Variants in ACTN1 observed in about 807,000 individuals in gnomAD.
The protein encoded by ACTN1 is alpha-actinin-1.
A neutral mutation model predicts 119.6 loss-of-function variants in ACTN1; 30 were observed. The observed-to-expected ratio is 0.25, with a 90% CI of 0.19 to 0.34. The LOEUF (loss-of-function observed/expected upper bound fraction) is 0.34. Among genes scored for constraint, ACTN1 ranks in the 10% least tolerant of loss-of-function variants. The pLI is 1.00. For synonymous variants in ACTN1, 429 were observed against 472.6 expected (o/e 0.91, Z 1.20); for missense variants, 764 against 1,223.4 (o/e 0.62, Z 5.60).
At chr14:68,958,411 C>T (rs1236631816) in intron 1 of ACTN1, among the ~76,000 whole-genome samples, 1 of 152,148 alleles carries the variant, frequency 6.6e-6, no homozygotes. Context: ...CCAGGCCACA[C>T]ACCTCTGTGC....
chr14:68,881,936 CTTTTTTTT>C (rs781067137), intron 16 of ACTN1, among the ~76,000 whole-genome samples: 2 of 58,394 alleles, frequency 3.4e-5, no homozygotes, highest in African/African-American at 1.1e-4. Flanking sequence ...TAGGCAGCTT[CTTTTTTTT>C]TTTTTTTTTT....
chr14:68,917,387 C>T (rs773624711), intron 3 of ACTN1, among the ~76,000 whole-genome samples: 8 of 152,232 alleles, frequency 5.3e-5, no homozygotes, highest in Middle Eastern at 6.8e-3. Context: ...AGGTCTTAGT[C>T]CTTGCACTGC....
chr14:68,973,325 C>T (rs1264978869), intron 1 of ACTN1, among the ~76,000 whole-genome samples: 5 of 152,134 alleles, frequency 3.3e-5, no homozygotes, highest in African/African-American at 9.7e-5. Context: ...GGGAGGGACC[C>T]GGTGGGAGGT....
Position 68,902,504 on chromosome 14 carries a change from G to A in ACTN1, c.735C>T (p.Phe245=). The change falls in exon 8 of 22, where the codon TTC becomes TTT. Residue 245 remains phenylalanine, a synonymous_variant. Transcript: ENST00000394419. ...TCTGGGCTCCAGAGAAGGCGTGGTA[G>A]AAGCTAGACACGTAAGTCATGATGG... ...EKAIMTYVSS[F]YHAFSGAQKA... The A allele has an allele frequency of 6.2e-7, 1 of 1,614,018 alleles. No individual in the cohort carries two copies.
chr14:68,925,498 G>T lies in ACTN1; in HGVS notation c.220+60C>A. 7.1e-7 allele frequency: 1 copy of T among 1,414,242 alleles called. No homozygotes were observed. The highest frequency in any genetic ancestry group is 9.8e-7 in the Non-Finnish European group (1 of 1,022,266). 87.6% of individuals were successfully genotyped at this position (1,414,242 alleles called of 1,614,324 possible). ...AGCTGCGCTCATAGGCAGAGCAGATGCCAAGGTGTCAGGCAGCACCAATAG... is the reference window on the plus strand; with the variant it reads ...AGCTGCGCTCATAGGCAGAGCAGATTCCAAGGTGTCAGGCAGCACCAATAG... On this transcript the variant is annotated intron_variant, in intron 2 of 21. Transcript: ENST00000394419. The surrounding 1 kb of genome is among the most constrained non-coding windows in gnomAD (Gnocchi z 4.3).
chr14:68,889,118 C>T (rs1347589082), intron 11 of ACTN1, among the ~76,000 whole-genome samples: 2 of 152,220 alleles, frequency 1.3e-5, no homozygotes, highest in East Asian at 3.9e-4. Context: ...AGATAGGCAG[C>T]CTGTTCCCCA....
At chr14:68,938,955 C>A (rs2035661507) in intron 1 of ACTN1, among the ~76,000 whole-genome samples, 1 of 152,180 alleles carries the variant, frequency 6.6e-6, no homozygotes, top group Non-Finnish European at 1.5e-5. Flanking sequence ...CCATCTACAG[C>A]CCATTTCAAA....
At chr14:68,902,867 G>T (rs1187925452) in intron 7 of ACTN1, among the ~76,000 whole-genome samples, 1 of 152,206 alleles carries the variant, frequency 6.6e-6, no homozygotes, top group African/African-American at 2.4e-5. Context: ...AAGTACTAGA[G>T]ATGGGAAAAG....
At chr14:68,916,915 G>A (rs1302720014) in intron 3 of ACTN1, among the ~76,000 whole-genome samples, 1 of 152,074 alleles carries the variant, frequency 6.6e-6, no homozygotes, top group Non-Finnish European at 1.5e-5. Context: ...GAAATTCCAT[G>A]TGACAGAAAC....
chr14:68,879,928 G>C lies in ACTN1; in HGVS notation c.2280+34C>G. 1.2e-6 allele frequency: 2 copies of C among 1,609,300 alleles called. No homozygotes were observed. The highest frequency in any genetic ancestry group is 1.7e-6 in the Non-Finnish European group (2 of 1,176,352). Reference sequence around the variant, plus strand: ...CAGGGCCCTGGGGCAGGGGTTGGGGGCTGCACTAAGAAAGCACAGGATGGG... The same window carrying C: ...CAGGGCCCTGGGGCAGGGGTTGGGGCCTGCACTAAGAAAGCACAGGATGGG... On this transcript the variant is annotated intron_variant, in intron 18 of 21. Coordinates refer to ENST00000394419, the MANE Select transcript of ACTN1 (RefSeq NM_001130004.2). The surrounding 1 kb of genome is among the most constrained non-coding windows in gnomAD (Gnocchi z 4.9).
At chr14:68,977,159 G>C (rs2037088452) in intron 1 of ACTN1, among the ~76,000 whole-genome samples, 1 of 152,086 alleles carries the variant, frequency 6.6e-6, no homozygotes, top group African/African-American at 2.4e-5. Flanking sequence ...CTAACCCCCA[G>C]GGAAGACCCC....
In ACTN1 at chr14:68,911,705, G is replaced by A. The variant is rs992094966; in HGVS notation, c.427+451C>T. 4.1e-4 allele frequency among the ~76,000 whole-genome samples: 63 copies of A among 152,176 alleles called. 1 individual carries two copies. The highest frequency in any genetic ancestry group is 1.3e-4 in the Non-Finnish European group (9 of 68,030). On this transcript the variant is annotated intron_variant, in intron 4 of 21. Coordinates refer to ENST00000394419, the MANE Select transcript of ACTN1 (RefSeq NM_001130004.2). ...CAGACATAAAGCTCAAAAACTGCCC[G>A]AGTGTGGAATCAAGCGTAGAGATCA...
intron 1 of ACTN1, among the ~76,000 whole-genome samples, chr14:68,953,518 A>C (rs1426812349): frequency 1.3e-5 from 2 of 152,192 alleles, no homozygotes; most frequent in African/African-American, 4.8e-5. Flanking sequence ...CTGGCAGTGC[A>C]CAACACACAC....
intron 1 of ACTN1, among the ~76,000 whole-genome samples, chr14:68,962,806 G>A (rs1372703538): frequency 1.3e-5 from 2 of 152,146 alleles, no homozygotes; most frequent in Admixed American, 6.5e-5. Flanking sequence ...CTGCCCTTCC[G>A]CACCCGCTGT....
At chr14:68,910,084 C>G in intron 4 of ACTN1, 42 bp from the exon 5 acceptor site, 1 of 1,554,488 alleles carries the variant, frequency 6.4e-7, no homozygotes, top group South Asian at 1.1e-5. Flanking sequence ...AGGGCTGACT[C>G]GGTGGAGGGA....
rs1209155315 is a variant in ACTN1 at position 68,876,977 on chromosome 14, A to G, written c.2586+105T>C. ...ACAAGGAGAGGCCAAAGGACCCTGG[A>G]AGAAGGGGCGGTTGAGGAGTTCATG... On this transcript the variant is annotated intron_variant, in intron 21 of 21. Coordinates refer to ENST00000394419, the MANE Select transcript of ACTN1 (RefSeq NM_001130004.2). The G allele has an allele frequency of 3.6e-6, 5 of 1,391,650 alleles. No individual in the cohort carries two copies. In the Admixed American group the frequency reaches 1.1e-4, roughly 32 times the overall value. The allele number at this position is 1,391,650 out of a possible 1,614,324, so 86.2% of individuals were successfully genotyped here. A position where few individuals can be genotyped will look rare whatever the true frequency, so the allele number is the denominator to read the frequency against.
At chr14:68,939,071 G>A (rs1476283646) in intron 1 of ACTN1, among the ~76,000 whole-genome samples, 3 of 152,208 alleles carry the variant, frequency 2.0e-5, no homozygotes, top group Non-Finnish European at 2.9e-5. Context: ...AGGGCTCCTG[G>A]GCCACCATGA....
intron 1 of ACTN1, among the ~76,000 whole-genome samples, chr14:68,962,427 G>T (rs1356638802): frequency 2.0e-5 from 3 of 152,106 alleles, no homozygotes; most frequent in African/African-American, 7.2e-5. Context: ...GCCTTCCCAG[G>T]AGCACCATTT....
chr14:68,959,086 T>G (rs1449251920), intron 1 of ACTN1, among the ~76,000 whole-genome samples: 1 of 152,240 alleles, frequency 6.6e-6, no homozygotes, highest in East Asian at 1.9e-4. Flanking sequence ...CTCTCTTTTC[T>G]GTGAAGACCT....
Sources: allele counts gnomAD v4.1 joint callset (sites outside exome capture counted in the v4.1 genomes callset), GRCh38; gene constraint gnomAD v4.1.1; non-coding constraint Gnocchi (gnomAD v3.1); transcripts MANE v1.5; gene names NCBI Gene and HGNC (gene_info 2026-07-23, HGNC 2026-07-21).